The following IRAG1 variants were observed in gnomAD, a reference collection of about 807,000 sequenced individuals.
IRAG1 encodes the protein inositol 1,4,5-triphosphate receptor associated 1.
Under a neutral mutation model 106.2 loss-of-function variants are expected in IRAG1, and 62 were observed. That is an observed-to-expected ratio of 0.58 (90% CI 0.48 to 0.72). The LOEUF (loss-of-function observed/expected upper bound fraction) is 0.72, where lower values mean the gene tolerates loss of function less well. Ranked by LOEUF, IRAG1 falls within the 30% of genes least tolerant of loss-of-function variation. IRAG1 has a pLI of 0.00. For synonymous variants in IRAG1, 462 were observed against 443.9 expected, an observed-to-expected ratio of 1.04 and a Z score of -0.51; for missense variants, 1,064 against 1,140.7, an observed-to-expected ratio of 0.93 and a Z score of 0.97.
intron 12 of IRAG1, among the ~76,000 whole-genome samples, chr11:10,604,766 G>A (rs1214381361): frequency 3.9e-5 from 6 of 152,200 alleles, no homozygotes; most frequent in Admixed American, 3.3e-4. Flanking sequence ...CAGAACCGGA[G>A]GTCCAAATGT....
chr11:10,604,857 G>A (rs1332561924), intron 12 of IRAG1, among the ~76,000 whole-genome samples: 1 of 152,226 alleles, frequency 6.6e-6, no homozygotes, highest in East Asian at 1.9e-4. Flanking sequence ...TCTGGGTTTA[G>A]ATAAACTCAG....
intron 1 of IRAG1, among the ~76,000 whole-genome samples, chr11:10,683,467 A>C (rs1452459857): frequency 6.6e-6 from 1 of 152,170 alleles, no homozygotes; most frequent in Non-Finnish European, 1.5e-5. Context: ...AATTTAATAT[A>C]ATAATTCAGG....
At chr11:10,652,502 G>A (rs1858606476) in intron 1 of IRAG1, 5 of 436,928 alleles carry the variant, frequency 1.1e-5, no homozygotes, top group Non-Finnish European at 1.9e-5. Flanking sequence ...GATCACATTG[G>A]CAGTTGTTTA....
intron 2 of IRAG1, among the ~76,000 whole-genome samples, chr11:10,634,948 C>A (rs2134686742): frequency 6.6e-6 from 1 of 152,232 alleles, no homozygotes; most frequent in East Asian, 1.9e-4. Flanking sequence ...CTCCTTTATT[C>A]CCCAGCAGGC....
chr11:10,592,582 T>C (rs1852800901), intron 17 of IRAG1, among the ~76,000 whole-genome samples: 1 of 152,166 alleles, frequency 6.6e-6, no homozygotes, highest in Non-Finnish European at 1.5e-5. Context: ...GTGCTAGTCA[T>C]AGGCAGGGGA....
At chr11:10,693,459 T>C in intron 1 of IRAG1, 77 bp downstream of exon 1, 1 of 1,529,970 alleles carries the variant, frequency 6.5e-7, no homozygotes, top group Non-Finnish European at 8.7e-7. Context: ...CAGCACCCTG[T>C]ACCTTTAAGG....
chr11:10,580,759 C>T lies in IRAG1; in HGVS notation c.2361-170G>A, dbSNP rs567540568. Among the ~76,000 whole-genome samples the T allele has an allele frequency of 1.4e-4, 21 of 152,340 alleles. No homozygotes were observed. In the South Asian group the frequency reaches 2.3e-3, roughly 17 times the overall value. ...CTCCACTGAATCCTAAGGCAGCTCA[C>T]GCCAGTACCATTTCCCCTCACTCCT... On this transcript the variant is annotated intron_variant, in intron 19 of 20. Coordinates refer to ENST00000423302, the MANE Select transcript of IRAG1 (RefSeq NM_130385.4).
intron 1 of IRAG1, among the ~76,000 whole-genome samples, chr11:10,653,762 G>T (rs796986276): frequency 4.6e-5 from 7 of 152,272 alleles, no homozygotes; most frequent in African/African-American, 1.7e-4. Flanking sequence ...ACCTGCACGG[G>T]GGTCTGCAGC....
At chr11:10,654,831 A>ACT (rs1858795774) in intron 1 of IRAG1, among the ~76,000 whole-genome samples, 1 of 152,202 alleles carries the variant, frequency 6.6e-6, no homozygotes, top group Admixed American at 6.5e-5. Flanking sequence ...TGGGGAAGAT[A>ACT]AGACAGGATG....
At chr11:10,633,270 T>C (rs1856869342) in intron 3 of IRAG1, among the ~76,000 whole-genome samples, 1 of 152,128 alleles carries the variant, frequency 6.6e-6, no homozygotes, top group Admixed American at 6.5e-5. Context: ...AGAGACGTGG[T>C]TTCACTGTGT....
At chr11:10,578,843 A>ATTCT (rs1851098988) in intron 20 of IRAG1, among the ~76,000 whole-genome samples, 1 of 151,450 alleles carries the variant, frequency 6.6e-6, no homozygotes, top group Admixed American at 6.6e-5. Flanking sequence ...TATTCCATGT[A>ATTCT]CTCTCTCTCT....
At chr11:10,611,828 A>C (rs1164341985) in intron 10 of IRAG1, 1 of 152,242 alleles carries the variant, frequency 6.6e-6, no homozygotes, top group Non-Finnish European at 1.5e-5. Context: ...GCAAGTAGGC[A>C]GTTGTCAGAG....
Position 10,626,254 on chromosome 11 carries a change from G to T in IRAG1, c.1080C>A (p.Ser360=), listed in dbSNP as rs1564914511. 1.2e-6 allele frequency: 2 copies of T among 1,608,730 alleles called. No homozygotes were observed. The highest frequency in any genetic ancestry group is 1.7e-4 in the Middle Eastern group (1 of 6,032). Residue 360 remains serine, a synonymous_variant, in exon 9 of 21, where the codon TCC becomes TCA. Transcript: ENST00000423302. ...QDAAGVGPPA[S]QGRGPAGEPM... is the part of the protein sequence containing the mutation. ...GCTCTCCAGCTGGGCCTCTCCCCTGGGAGGCTGGGGGACCCACTCCTGCCG... is the reference window on the plus strand; with the variant it reads ...GCTCTCCAGCTGGGCCTCTCCCCTGTGAGGCTGGGGGACCCACTCCTGCCG...
intron 13 of IRAG1, 65 bp from the exon 14 acceptor site, chr11:10,603,316 C>T (rs912715938): frequency 7.6e-6 from 12 of 1,569,500 alleles, no homozygotes; most frequent in African/African-American, 2.7e-5. Context: ...TCAGCAGTCC[C>T]CAACCTTTTC....
chr11:10,693,335 G>C, intron 1 of IRAG1: 1 of 1,058,606 alleles, frequency 9.4e-7, no homozygotes, highest in African/African-American at 1.6e-5. Flanking sequence ...AGTTAGGACT[G>C]GCAAGATTCA....
At chr11:10,673,193 G>T (rs1169146031) in intron 1 of IRAG1, among the ~76,000 whole-genome samples, 1 of 152,132 alleles carries the variant, frequency 6.6e-6, no homozygotes, top group African/African-American at 2.4e-5. Context: ...TGAGGCATGA[G>T]AATTGCTTTA....
At position 10,626,680 on chromosome 11, in the gene IRAG1, T is replaced by C. The variant is rs533639792; in HGVS notation, c.751-97A>G. ...GTGGAGTCTCTGCCCCCACACACCT[T>C]GCCAAGGGGCCCATTTGTATAAGTG... On this transcript the variant is annotated intron_variant, in intron 8 of 20. Transcript: ENST00000423302. 13 of 1,379,812 alleles carry C rather than the reference T, an allele frequency of 9.4e-6. No individual in the cohort carries two copies. In the African/African-American group the frequency reaches 1.7e-4, roughly 18 times the overall value. 85.5% of individuals were successfully genotyped at this position (1,379,812 alleles called of 1,614,324 possible). A position where few individuals can be genotyped will look rare whatever the true frequency, so the allele number is the denominator to read the frequency against.
At chr11:10,631,187 C>A (rs1037235150) in intron 4 of IRAG1, among the ~76,000 whole-genome samples, 4 of 152,164 alleles carry the variant, frequency 2.6e-5, no homozygotes, top group African/African-American at 4.8e-5. Flanking sequence ...CAAGCCCTGG[C>A]TTTTGTAAAT....
intron 1 of IRAG1, among the ~76,000 whole-genome samples, chr11:10,669,981 C>T (rs912587950): frequency 1.3e-5 from 2 of 152,206 alleles, no homozygotes; most frequent in Non-Finnish European, 2.9e-5. Flanking sequence ...GGGAGATAGA[C>T]AGCTGCACTA....
Sources: gnomAD v4.1 joint callset for allele counts (sites outside exome capture counted in the v4.1 genomes callset) on GRCh38, gnomAD v4.1.1 for gene constraint, MANE v1.5 for transcripts, NCBI Gene and HGNC (gene_info 2026-07-23, HGNC 2026-07-21) for gene names.